ITGAE: variants seen among roughly 807,000 people sequenced by gnomAD.
ITGAE encodes integrin subunit alpha E.
A neutral mutation model predicts 136.5 loss-of-function variants in ITGAE; 99 were observed. That is an observed-to-expected ratio of 0.73 (90% CI 0.62 to 0.86). The LOEUF (loss-of-function observed/expected upper bound fraction) is 0.86. Ranked by LOEUF, ITGAE falls within the 40% of genes least tolerant of loss-of-function variation. ITGAE has a pLI of 0.00. For synonymous variants in ITGAE, 613 were observed against 591.8 expected (o/e 1.04, Z -0.52); for missense variants, 1,447 against 1,515.3 (o/e 0.95, Z 0.75).
chr17:3,750,414 A>G lies in ITGAE; in HGVS notation c.1962T>C (p.Asp654=). Residue 654 remains aspartate, a synonymous_variant, in exon 16 of 31, where the codon GAT becomes GAC. Transcript: ENST00000263087. ...TGTCGGCAAGGCCGTCGCCACTAAT[A>G]TCAAAGCCACCAGCCATGGACATGC... The part of the protein sequence containing the change: ...YFGMSMAGGF[D]ISGDGLADIT... 1 of 1,614,198 alleles carries G rather than the reference A, an allele frequency of 6.2e-7. No homozygotes were observed. The highest frequency in any genetic ancestry group is 8.5e-7 in the Non-Finnish European group (1 of 1,180,034).
At position 3,798,734 on chromosome 17, in the gene ITGAE, C is replaced by T. The variant is rs2053181617; in HGVS notation, c.34+2377G>A. On this transcript the variant is annotated intron_variant, in intron 1 of 30. Transcript: ENST00000263087. The surrounding 1 kb of genome is among the most constrained non-coding windows in gnomAD (Gnocchi z 4.3). ...TGTAGGCTGACAGGACAGGCTTCTT[C>T]ACGCAAGGGTGGAAACTCAACCTCT... Among the ~76,000 whole-genome samples, 1 of 152,192 alleles carries T rather than the reference C, an allele frequency of 6.6e-6. No individual in the cohort carries two copies.
In ITGAE at chr17:3,757,777, C is replaced by A. The variant is rs780035038; in HGVS notation, c.949G>T (p.Glu317Ter). 3 of 1,613,964 alleles carry A rather than the reference C, an allele frequency of 1.9e-6. No individual in the cohort carries two copies. Among genetic ancestry groups the A allele is most frequent in the Non-Finnish European group, 2.5e-6 (3 of 1,180,034 alleles). The change falls in exon 9 of 31, where the codon GAG (glutamate) becomes TAG (stop). Residue 317 changes from glutamate to a stop codon, truncating the protein, a stop_gained. Transcript: ENST00000263087. LOFTEE classifies it high-confidence loss of function. ...MVVLTDGGIFEDPLNLTTVIN... is the reference protein window; with the variant it reads ...MVVLTDGGIF ...ACTGTCGTAAGGTTGAGGGGGTCCT[C>A]GAATATGCCACCATCGGTGAGCACC...
intron 26 of ITGAE, 95 bp from the exon 27 acceptor site, chr17:3,723,839 C>T: frequency 2.6e-6 from 4 of 1,543,854 alleles, no homozygotes; most frequent in East Asian, 4.5e-5. Flanking sequence ...TGCGCATGCG[C>T]AGGGCCGGGA....
At chr17:3,779,513 G>C (rs572444393) in intron 1 of ITGAE, among the ~76,000 whole-genome samples, 2 of 152,050 alleles carry the variant, frequency 1.3e-5, no homozygotes, top group East Asian at 1.9e-4. Flanking sequence ...ATTTTTAGTA[G>C]AGACAGGGTT....
rs532255407 is a variant in ITGAE at position 3,745,811 on chromosome 17, C to T, written c.2272G>A (p.Gly758Arg). Residue 758 changes from glycine to arginine, a missense_variant, in exon 18 of 31, where the codon GGA (glycine) becomes AGA (arginine). Coordinates refer to ENST00000263087, the MANE Select transcript of ITGAE (RefSeq NM_002208.5). ...AGGAGGTCCTCACAAAGCTGGGATC[C>T]GCTGCTCCACTCCCTCAGGCAGCCC... ...CLGCLREWSS[G>R]SQLCEDLLLM... 8.7e-6 allele frequency: 14 copies of T among 1,614,086 alleles called. No individual in the cohort carries two copies. The highest frequency in any genetic ancestry group is 4.4e-5 in the South Asian group (4 of 91,078).
chr17:3,735,050 G>A (rs9674606), intron 20 of ITGAE, 101 bp from the exon 21 acceptor site: 561,987 of 1,350,216 alleles, frequency 0.42, 118,666 homozygotes, highest in Non-Finnish European at 0.44. Flanking sequence ...TGGTGCTGTG[G>A]TGCAATGATC....
intron 19 of ITGAE, 83 bp from the exon 20 acceptor site, chr17:3,739,961 GT>G: frequency 9.0e-7 from 1 of 1,117,100 alleles, no homozygotes; most frequent in South Asian, 1.2e-5. Flanking sequence ...CTTATAGGAA[GT>G]TTTGGGCTGT....
chr17:3,761,323 G>C lies in ITGAE; in HGVS notation c.433+80C>G, dbSNP rs189596483. 5.2e-5 allele frequency: 81 copies of C among 1,545,190 alleles called. No individual in the cohort carries two copies. The African/African-American group carries it at 1.0e-3, about 19-fold the overall frequency. On this transcript the variant is annotated intron_variant, in intron 5 of 30. Coordinates refer to ENST00000263087, the MANE Select transcript of ITGAE (RefSeq NM_002208.5). ...TGTGGGCCTGCGTCCCACTGCATCT[G>C]CCGTGAGCTGGTGCCTTTTCTTGGA... is the stretch of plus-strand genomic sequence containing the variant.
At chr17:3,771,030 C>G (rs889341069) in intron 2 of ITGAE, among the ~76,000 whole-genome samples, 1 of 151,930 alleles carries the variant, frequency 6.6e-6, no homozygotes, top group African/African-American at 2.4e-5. Flanking sequence ...ACCCAGCAAT[C>G]CCACTCCTGA....
chr17:3,755,814 TGA>T lies in ITGAE; in HGVS notation c.1239+14_1239+15del. 1 of 1,580,444 alleles carries T rather than the reference TGA, an allele frequency of 6.3e-7. No individual in the cohort carries two copies. Among genetic ancestry groups the T allele is most frequent in the South Asian group, 1.2e-5 (1 of 86,222 alleles). Reference sequence around the variant, plus strand: ...ACCAATGGGCAAGCCTGCCTGGTGCTGAGTCAGCCACGTACCTCATCCAGGAT... The same window carrying T: ...ACCAATGGGCAAGCCTGCCTGGTGCTGTCAGCCACGTACCTCATCCAGGAT... On this transcript the variant is annotated intron_variant, in intron 11 of 30. Transcript: ENST00000263087.
At chr17:3,764,915 G>A (rs890531098) in intron 2 of ITGAE, among the ~76,000 whole-genome samples, 4 of 152,134 alleles carry the variant, frequency 2.6e-5, no homozygotes, top group Admixed American at 6.6e-5. Flanking sequence ...GAGCTCCGGG[G>A]GTTGTCATAG....
At chr17:3,778,361 G>A (rs372901658) in intron 1 of ITGAE, among the ~76,000 whole-genome samples, 5 of 152,238 alleles carry the variant, frequency 3.3e-5, no homozygotes, top group African/African-American at 4.8e-5. Flanking sequence ...TCAGGAGTTC[G>A]AGACCAGCCT....
rs1313192748 is a variant in ITGAE at position 3,761,108 on chromosome 17, T to C, written c.503A>G (p.Glu168Gly). Reference protein sequence around the residue: ...DCYSNKEGGGEDDVNTARQRR... With the variant: ...DCYSNKEGGGGDDVNTARQRR... ...CTGCCTGGCTGTGTTCACATCGTCT[T>C]CTCCACCGCCTTCTTTGTTGCTGTA... is the stretch of plus-strand genomic sequence containing the variant. The change falls in exon 6 of 31, where the codon GAA becomes GGA. Residue 168 changes from glutamate (E) to glycine (G), a missense_variant. Glu to Gly is a moderately conservative substitution (Grantham distance 98). Coordinates refer to ENST00000263087, the MANE Select transcript of ITGAE (RefSeq NM_002208.5). 1.2e-6 allele frequency: 2 copies of C among 1,612,954 alleles called. No individual in the cohort carries two copies. Among genetic ancestry groups the C allele is most frequent in the Non-Finnish European group, 1.7e-6 (2 of 1,180,016 alleles).
intron 1 of ITGAE, among the ~76,000 whole-genome samples, chr17:3,793,417 T>G (rs1283323930): frequency 6.6e-6 from 1 of 152,138 alleles, no homozygotes. Flanking sequence ...GGTGTGATCT[T>G]GGCTCACCGC....
chr17:3,725,806 C>T, intron 26 of ITGAE: 7 of 1,610,644 alleles, frequency 4.3e-6, no homozygotes, highest in Middle Eastern at 1.7e-4. Context: ...TCCTTGGCTA[C>T]TGCAAAGAGC....
At chr17:3,766,029 A>T (rs2052289338) in intron 2 of ITGAE, among the ~76,000 whole-genome samples, 1 of 152,174 alleles carries the variant, frequency 6.6e-6, no homozygotes, top group South Asian at 2.1e-4. Flanking sequence ...GTGAGTTAAT[A>T]AATTAAGGAT....
At chr17:3,725,373 C>A in intron 26 of ITGAE, 1 of 1,614,212 alleles carries the variant, frequency 6.2e-7, no homozygotes. Flanking sequence ...CCATTGCCTT[C>A]CCACAGAAAA....
chr17:3,800,555 GCAGAAGTGCCTC>G, intron 1 of ITGAE, among the ~76,000 whole-genome samples: 1 of 152,230 alleles, frequency 6.6e-6, no homozygotes, highest in Middle Eastern at 3.4e-3. Context: ...CCCCCAGGCA[GCAGAAGTGCCTC>G]CCCCCACCCC....
At chr17:3,749,499 G>A (rs557379808) in intron 16 of ITGAE, among the ~76,000 whole-genome samples, 331 of 152,148 alleles carry the variant, frequency 2.2e-3, no homozygotes, top group Non-Finnish European at 2.7e-3. Context: ...TGATCCACCC[G>A]CCTGGGCCTC....
Sources: gnomAD v4.1 joint callset for allele counts (sites outside exome capture counted in the v4.1 genomes callset) on GRCh38, gnomAD v4.1.1 for gene constraint, Gnocchi (gnomAD v3.1) non-coding constraint, MANE v1.5 for transcripts, NCBI Gene and HGNC (gene_info 2026-07-23, HGNC 2026-07-21) for gene names.